SNTG1: variants seen among roughly 807,000 people sequenced by gnomAD.
The protein encoded by SNTG1 is syntrophin gamma 1.
Under a neutral mutation model 74.7 loss-of-function variants are expected in SNTG1, and 39 were observed. The observed-to-expected ratio is 0.52, with a 90% CI of 0.40 to 0.68. SNTG1 has a LOEUF of 0.68. Among genes scored for constraint, SNTG1 ranks in the 30% least tolerant of loss-of-function variants. The probability of loss-of-function intolerance (pLI) is 0.00; values close to 1 mark genes in which losing one functional copy is unlikely to be tolerated. For missense variants in SNTG1, 685 were observed against 609.5 expected, an observed-to-expected ratio of 1.12 and a Z score of -1.30; for synonymous variants, 254 against 217.1, an observed-to-expected ratio of 1.17 and a Z score of -1.49.
chr8:50,531,274 A>G (rs1208017686), intron 10 of SNTG1, among the ~76,000 whole-genome samples: 1 of 151,864 alleles, frequency 6.6e-6, no homozygotes, highest in African/African-American at 2.4e-5. Context: ...AAATCTAGGG[A>G]TATTTTCTAA....
intron 2 of SNTG1, among the ~76,000 whole-genome samples, chr8:50,388,530 T>G (rs2092608751): frequency 6.6e-6 from 1 of 152,154 alleles, no homozygotes; most frequent in Non-Finnish European, 1.5e-5. Flanking sequence ...TTAAAACCAC[T>G]GTTGGTACCC....
At chr8:50,739,662 CA>C (rs1196686638) in intron 17 of SNTG1, among the ~76,000 whole-genome samples, 4 of 151,800 alleles carry the variant, frequency 2.6e-5, no homozygotes, top group Non-Finnish European at 4.4e-5. Context: ...ATGTGTATCC[CA>C]GAACTTAAAG....
Position 50,283,152 on chromosome 8 carries a change from C to T in SNTG1, c.-28+110517C>T, listed in dbSNP as rs928647823. 3.3e-5 allele frequency among the ~76,000 whole-genome samples: 5 copies of T among 152,098 alleles called. No individual in the cohort carries two copies. The East Asian group carries it at 7.7e-4, about 23-fold the overall frequency. ...ATCAACAGTGTTTGAAACAAAAAAG[C>T]GACAAAAATTACAATCATCCTCATC... On this transcript the variant is annotated intron_variant, in intron 2 of 18. Coordinates refer to ENST00000642720, the MANE Select transcript of SNTG1 (RefSeq NM_018967.5).
Position 50,658,587 on chromosome 8 carries a change from T to C in SNTG1, c.967-5T>C. 6.3e-7 allele frequency: 1 copy of C among 1,592,310 alleles called. No homozygotes were observed. The highest frequency in any genetic ancestry group is 8.6e-7 in the Non-Finnish European group (1 of 1,164,182). On this transcript the variant is annotated splice_polypyrimidine_tract_variant and splice_region_variant and intron_variant, in intron 14 of 18. Coordinates refer to ENST00000642720, the MANE Select transcript of SNTG1 (RefSeq NM_018967.5). ...AATTAAACATTATTTTCTTATCTTT[T>C]AAAGGTGACCACCTGGGACTGGACG...
intron 1 of SNTG1, among the ~76,000 whole-genome samples, chr8:49,980,233 C>G (rs1812550284): frequency 6.6e-6 from 1 of 152,122 alleles, no homozygotes; most frequent in Admixed American, 6.5e-5. Flanking sequence ...AATTACATTA[C>G]TCTGGATATC....
At position 49,938,003 on chromosome 8, in the gene SNTG1, C is replaced by T. The variant is rs577106080; in HGVS notation, c.-103+25772C>T. Among the ~76,000 whole-genome samples the T allele has an allele frequency of 1.1e-4, 17 of 152,254 alleles. No homozygotes were observed. The South Asian group carries it at 3.5e-3, about 32-fold the overall frequency. On this transcript the variant is annotated intron_variant, in intron 1 of 18. Transcript: ENST00000642720. ...ATCAGTGATCAGTCTTAAATTCGGCCTTGTCCTTATCTTTGAACCTGCCTC... is the reference window on the plus strand; with the variant it reads ...ATCAGTGATCAGTCTTAAATTCGGCTTTGTCCTTATCTTTGAACCTGCCTC...
intron 13 of SNTG1, among the ~76,000 whole-genome samples, chr8:50,599,711 A>G (rs1397153529): frequency 6.6e-6 from 1 of 152,044 alleles, no homozygotes; most frequent in Non-Finnish European, 1.5e-5. Flanking sequence ...GAATTTGTTT[A>G]TCAGTTCTAA....
At chr8:50,482,131 C>G (rs1341414018) in intron 8 of SNTG1, among the ~76,000 whole-genome samples, 1 of 152,196 alleles carries the variant, frequency 6.6e-6, no homozygotes, top group South Asian at 2.1e-4. Flanking sequence ...TCTTTCCTCC[C>G]ACTAAGTTGT....
At chr8:50,689,611 G>C (rs559567531) in intron 15 of SNTG1, among the ~76,000 whole-genome samples, 1 of 96,204 alleles carries the variant, frequency 1.0e-5, no homozygotes, top group African/African-American at 3.8e-5. Flanking sequence ...CTTGATCATG[G>C]TAGATAAGCT....
At chr8:50,318,420 T>G (rs1413570429) in intron 2 of SNTG1, among the ~76,000 whole-genome samples, 1 of 152,160 alleles carries the variant, frequency 6.6e-6, no homozygotes, top group Non-Finnish European at 1.5e-5. Flanking sequence ...TTTACCTCCC[T>G]AAAGCTCCAT....
intron 1 of SNTG1, among the ~76,000 whole-genome samples, chr8:50,105,494 G>T (rs766030607): frequency 6.7e-4 from 101 of 150,702 alleles, no homozygotes; most frequent in Non-Finnish European, 1.3e-3. Context: ...GTTTTGTTTT[G>T]TTTTTTTTGC....
intron 1 of SNTG1, among the ~76,000 whole-genome samples, chr8:49,985,836 A>G (rs988479514): frequency 6.6e-6 from 1 of 152,166 alleles, no homozygotes; most frequent in Non-Finnish European, 1.5e-5. Context: ...CATTCATTCC[A>G]TGATGATAAT....
intron 2 of SNTG1, among the ~76,000 whole-genome samples, chr8:50,215,825 C>T (rs2084764228): frequency 6.6e-6 from 1 of 152,124 alleles, no homozygotes; most frequent in Admixed American, 6.6e-5. Flanking sequence ...TAACTCTTCA[C>T]ATGGCATCTG....
chr8:50,642,981 G>A, intron 13 of SNTG1, among the ~76,000 whole-genome samples: 1 of 151,988 alleles, frequency 6.6e-6, no homozygotes, highest in East Asian at 1.9e-4. Context: ...AAATGTTCAG[G>A]TTACCAATCA....
intron 1 of SNTG1, among the ~76,000 whole-genome samples, chr8:49,954,347 A>G (rs73569343): frequency 0.011 from 1,652 of 152,312 alleles, 32 homozygotes; most frequent in African/African-American, 0.037. Flanking sequence ...TATCAAACAT[A>G]AAAGTCACCA....
At chr8:50,044,779 T>C (rs976746778) in intron 1 of SNTG1, among the ~76,000 whole-genome samples, 7 of 152,228 alleles carry the variant, frequency 4.6e-5, no homozygotes, top group African/African-American at 1.4e-4. Flanking sequence ...ATATTTGCCA[T>C]TGAAAACTTT....
intron 18 of SNTG1, among the ~76,000 whole-genome samples, chr8:50,771,967 C>G (rs1421145520): frequency 6.6e-6 from 1 of 152,080 alleles, no homozygotes; most frequent in Non-Finnish European, 1.5e-5. Context: ...ACTGAGATTT[C>G]AAAGGGTATA....
In SNTG1 at chr8:50,498,808, G is replaced by A. The variant is rs573138878; in HGVS notation, c.364-3970G>A. 2.0e-5 allele frequency among the ~76,000 whole-genome samples: 3 copies of A among 151,866 alleles called. No individual in the cohort carries two copies. In the East Asian group the frequency reaches 5.8e-4, roughly 29 times the overall value. On this transcript the variant is annotated intron_variant, in intron 8 of 18. Transcript: ENST00000642720. The stretch of plus-strand genomic sequence containing the variant: ...CTCAAAGCTCCTTTTCTTTTCTAAT[G>A]AGGATTTGAAATAGTTCCAGCACAA...
intron 1 of SNTG1, among the ~76,000 whole-genome samples, chr8:50,028,720 C>A (rs1380129674): frequency 1.3e-5 from 2 of 151,944 alleles, no homozygotes; most frequent in Non-Finnish European, 2.9e-5. Context: ...TGCACATGTA[C>A]CCTAAAACTT....
Sources: gnomAD v4.1 joint callset for allele counts (sites outside exome capture counted in the v4.1 genomes callset) on GRCh38, gnomAD v4.1.1 for gene constraint, MANE v1.5 for transcripts, NCBI Gene and HGNC (gene_info 2026-07-23, HGNC 2026-07-21) for gene names.